The following RIBC2 variants were observed in gnomAD, a reference collection of about 807,000 sequenced individuals.
The protein encoded by RIBC2 is RIB43A-like with coiled-coils protein 2.
In RIBC2, 40 loss-of-function variants were observed where a neutral mutation model predicts 44.3. The observed-to-expected ratio is 0.90, with a 90% CI of 0.70 to 1.18. The LOEUF is 1.18. RIBC2 is among the 50% of genes most tolerant of loss of function. The pLI, the probability that RIBC2 is intolerant of heterozygous loss-of-function variation, is 0.00. For synonymous variants in RIBC2, 171 were observed against 175.0 expected, an observed-to-expected ratio of 0.98 and a Z score of 0.18; for missense variants, 459 against 485.5, an observed-to-expected ratio of 0.95 and a Z score of 0.51.
chr22:45,421,418 C>T (rs1461576980), intron 3 of RIBC2, among the ~76,000 whole-genome samples: 2 of 145,370 alleles, frequency 1.4e-5, no homozygotes, highest in African/African-American at 5.0e-5. Flanking sequence ...AGCCTGGACT[C>T]TTCCCTGAAT....
intron 4 of RIBC2, among the ~76,000 whole-genome samples, chr22:45,423,093 C>A (rs369706981): frequency 5.3e-5 from 8 of 152,228 alleles, no homozygotes; most frequent in African/African-American, 1.4e-4. Flanking sequence ...ATGATCCCCC[C>A]ACCTGAGCCA....
At chr22:45,414,196 C>A in intron 1 of RIBC2, 126 bp from the exon 2 acceptor site, 3 of 1,480,164 alleles carry the variant, frequency 2.0e-6, no homozygotes, top group Non-Finnish European at 2.7e-6. Flanking sequence ...GTTCTCCTCC[C>A]CTGAGCCAGA....
intron 5 of RIBC2, among the ~76,000 whole-genome samples, chr22:45,427,203 C>A (rs1017773270): frequency 6.6e-6 from 1 of 152,226 alleles, no homozygotes; most frequent in African/African-American, 2.4e-5. Context: ...TAGACTAAAT[C>A]CTCAGGAAAA....
At chr22:45,423,252 G>A (rs1049022925) in intron 4 of RIBC2, among the ~76,000 whole-genome samples, 5 of 151,220 alleles carry the variant, frequency 3.3e-5, no homozygotes, top group Non-Finnish European at 5.9e-5. Flanking sequence ...CAAAGTGCTG[G>A]GATTACCACA....
At chr22:45,425,765 G>A (rs551604651) in intron 4 of RIBC2, among the ~76,000 whole-genome samples, 183 bp from the exon 5 acceptor site, 4 of 152,238 alleles carry the variant, frequency 2.6e-5, no homozygotes, top group Non-Finnish European at 4.4e-5. Flanking sequence ...CCAGCAGTGC[G>A]CAGGCAGCCA....
In RIBC2 at chr22:45,426,089, G is replaced by A. The variant is rs761911112; in HGVS notation, c.817G>A (p.Val273Met). The A allele has an allele frequency of 3.0e-5, 49 of 1,613,890 alleles. No homozygotes were observed. Among genetic ancestry groups the A allele is most frequent in the Non-Finnish European group, 3.9e-5 (46 of 1,180,032 alleles). ...AGCCAGCTCCTTCGGGCCCCACCGC[G>A]TGGTCCCTGACCGCTGGAAGGGCAT... The part of the protein sequence containing the change: ...QAASSFGPHR[V>M]VPDRWKGMTQ... Residue 273 changes from valine to methionine, a missense_variant, in exon 5 of 7, where the codon GTG becomes ATG. By Grantham distance (21) the Val-to-Met change is conservative. Coordinates refer to ENST00000614167, the MANE Select transcript of RIBC2 (RefSeq NM_015653.5).
chr22:45,430,776 C>G, intron 5 of RIBC2, 124 bp from the exon 6 acceptor site: 1 of 1,234,652 alleles, frequency 8.1e-7, no homozygotes, highest in African/African-American at 1.5e-5. Flanking sequence ...CGGTCACCTA[C>G]CTGCTCGTCC....
intron 5 of RIBC2, among the ~76,000 whole-genome samples, chr22:45,426,909 A>G (rs1397239686): frequency 1.3e-5 from 2 of 152,018 alleles, no homozygotes; most frequent in African/African-American, 4.8e-5. Context: ...GATTGGATGC[A>G]TGATTGGGTG....
intron 3 of RIBC2, among the ~76,000 whole-genome samples, chr22:45,421,532 T>TTATTATTAA (rs1569208836): frequency 6.4e-5 from 2 of 31,374 alleles, no homozygotes; most frequent in Admixed American, 3.1e-4. Context: ...AATAATAGTA[T>TTATTATTAA]TATTAATAAT....
At chr22:45,429,267 G>T (rs1413301375) in intron 5 of RIBC2, among the ~76,000 whole-genome samples, 1 of 152,178 alleles carries the variant, frequency 6.6e-6, no homozygotes, top group Non-Finnish European at 1.5e-5. Flanking sequence ...ACCACTGGTA[G>T]GGTGTGCCCA....
chr22:45,419,001 G>A (rs2146876807), intron 3 of RIBC2, among the ~76,000 whole-genome samples: 1 of 152,300 alleles, frequency 6.6e-6, no homozygotes, highest in South Asian at 2.1e-4. Context: ...TCAGCTTTCA[G>A]AACACCACTC....
chr22:45,419,459 C>T (rs576479439), intron 3 of RIBC2, among the ~76,000 whole-genome samples: 35 of 152,234 alleles, frequency 2.3e-4, no homozygotes, highest in Non-Finnish European at 3.8e-4. Flanking sequence ...CTCGGCTGGG[C>T]GCAGTGGCTC....
In RIBC2 at chr22:45,413,954, G is replaced by C; in HGVS notation, c.68G>C (p.Arg23Thr). Residue 23 changes from arginine (R) to threonine (T), a missense_variant, in exon 1 of 7, where the codon AGG becomes ACG. Arg to Thr is a moderately conservative substitution (Grantham distance 71). Transcript: ENST00000614167. ...CGGCAGGACGCCAACCTGGCAAAGA[G>C]GAGGCACGCGGAGCTGTGCAGGCAG... is the stretch of plus-strand genomic sequence containing the variant. ...DLRQDANLAK[R>T]RHAELCRQKR... The C allele has an allele frequency of 6.4e-7, 1 of 1,551,746 alleles. No individual in the cohort carries two copies. Among genetic ancestry groups the C allele is most frequent in the Non-Finnish European group, 8.7e-7 (1 of 1,147,004 alleles).
At chr22:45,418,755 C>T (rs1410127628) in intron 3 of RIBC2, among the ~76,000 whole-genome samples, 1 of 151,996 alleles carries the variant, frequency 6.6e-6, no homozygotes, top group Admixed American at 6.6e-5. Flanking sequence ...TTGCTCGGCC[C>T]ATCCTCCTCC....
chr22:45,417,152 C>T (rs907023065), intron 2 of RIBC2, among the ~76,000 whole-genome samples: 6 of 152,102 alleles, frequency 3.9e-5, no homozygotes, highest in Admixed American at 1.3e-4. Flanking sequence ...CCGCCCACCT[C>T]GGGCTCCCAA....
Position 45,426,090 on chromosome 22 carries a change from TG to T in RIBC2, c.820del (p.Val274SerfsTer8), listed in dbSNP as rs761627672. ...GCCAGCTCCTTCGGGCCCCACCGCG[TG>T]GTCCCTGACCGCTGGAAGGGCATGA... The part of the protein sequence containing the change: ...QAASSFGPHR[V>X]VPDRWKGMTQ... On this transcript the variant is annotated frameshift_variant, in exon 5 of 7. Transcript: ENST00000614167. LOFTEE classifies it high-confidence loss of function. The T allele has an allele frequency of 6.2e-7, 1 of 1,613,956 alleles. No individual in the cohort carries two copies. Among genetic ancestry groups the T allele is most frequent in the Non-Finnish European group, 8.5e-7 (1 of 1,180,012 alleles).
Position 45,426,141 on chromosome 22 carries a change from G to T in RIBC2, c.869G>T (p.Arg290Leu). ...GMTQEQLEQI[R>L]LVQKQQIQEK... ...ACCCAGGAGCAGCTGGAGCAGATCCGCCTAGTCCAGAAGCAGCAAATCCAG... is the reference window on the plus strand; with the variant it reads ...ACCCAGGAGCAGCTGGAGCAGATCCTCCTAGTCCAGAAGCAGCAAATCCAG... Residue 290 changes from arginine (R) to leucine (L), a missense_variant, in exon 5 of 7, where the codon CGC (arginine) becomes CTC (leucine). By Grantham distance (102) the Arg-to-Leu change is moderately radical. Transcript: ENST00000614167. The T allele has an allele frequency of 6.2e-7, 1 of 1,613,816 alleles. No individual in the cohort carries two copies. Among genetic ancestry groups the T allele is most frequent in the Non-Finnish European group, 8.5e-7 (1 of 1,180,008 alleles).
chr22:45,413,979 G>A lies in RIBC2; in HGVS notation c.93G>A (p.Gln31=), dbSNP rs1385346975. ...AKRRHAELCR[Q]KRVFNARNRI... is the part of the protein sequence containing the mutation. ...GGAGGCACGCGGAGCTGTGCAGGCA[G>A]AAGCGGGTCTTCAACGCCAGAAACA... Residue 31 remains glutamine, a synonymous_variant, in exon 1 of 7, where the codon CAG becomes CAA. Transcript: ENST00000614167. 3.9e-6 allele frequency: 6 copies of A among 1,551,722 alleles called. No individual in the cohort carries two copies. The Middle Eastern group carries it at 8.3e-4, about 216-fold the overall frequency.
In RIBC2 at chr22:45,417,966, G is replaced by C; in HGVS notation, c.556+20G>C. The C allele has an allele frequency of 6.7e-7, 1 of 1,497,754 alleles. No individual in the cohort carries two copies. The highest frequency in any genetic ancestry group is 9.0e-7 in the Non-Finnish European group (1 of 1,105,814). 92.8% of individuals were successfully genotyped at this position (1,497,754 alleles called of 1,614,324 possible). A position where few individuals can be genotyped will look rare whatever the true frequency, so the allele number is the denominator to read the frequency against. The stretch of plus-strand genomic sequence containing the variant: ...GCGCAGGTAATGAAACAGAAGAGAC[G>C]AGCTGGTCTCAACGCTCTCTTCAAC... On this transcript the variant is annotated intron_variant, in intron 3 of 6. Transcript: ENST00000614167.
Sources: gnomAD v4.1 joint callset for allele counts (sites outside exome capture counted in the v4.1 genomes callset) on GRCh38, gnomAD v4.1.1 for gene constraint, MANE v1.5 for transcripts, NCBI Gene and HGNC (gene_info 2026-07-23, HGNC 2026-07-21) for gene names.